SMURF2: variants seen among roughly 807,000 people sequenced by gnomAD.
SMURF2 encodes SMAD specific E3 ubiquitin protein ligase 2.
Under a neutral mutation model 109.6 loss-of-function variants are expected in SMURF2, and 48 were observed. The ratio of observed to expected loss-of-function variants is 0.44; its 90% CI spans 0.35 to 0.56. The LOEUF (loss-of-function observed/expected upper bound fraction) is 0.56, where lower values mean the gene tolerates loss of function less well. Ranked by LOEUF, SMURF2 falls within the 20% of genes least tolerant of loss-of-function variation. The pLI is 0.01. For missense variants in SMURF2, 575 were observed against 909.0 expected (o/e 0.63, Z 4.72); for synonymous variants, 288 against 317.1 (o/e 0.91, Z 0.97).
intron 6 of SMURF2, among the ~76,000 whole-genome samples, chr17:64,584,341 C>CTGTT (rs1969618510): frequency 1.4e-5 from 2 of 144,096 alleles, no homozygotes; most frequent in Non-Finnish European, 3.0e-5. Context: ...AAAATCGAAA[C>CTGTT]AGCTACTTTC....
chr17:64,580,655 G>T, intron 8 of SMURF2, 134 bp downstream of exon 8: 2 of 858,214 alleles, frequency 2.3e-6, no homozygotes, highest in Non-Finnish European at 3.6e-6. Context: ...TTTCAAAGTT[G>T]GGAGGTTTTA....
chr17:64,632,160 T>C (rs574232847), intron 1 of SMURF2, among the ~76,000 whole-genome samples: 2 of 152,214 alleles, frequency 1.3e-5, no homozygotes, highest in Admixed American at 1.3e-4. Flanking sequence ...GGTTTCACTA[T>C]GTTGACCAGG....
intron 1 of SMURF2, among the ~76,000 whole-genome samples, chr17:64,640,736 T>C (rs1555692497): frequency 2.0e-5 from 3 of 151,958 alleles, no homozygotes; most frequent in Non-Finnish European, 2.9e-5. Flanking sequence ...CTGGCCAACA[T>C]GGTGAAACCC....
At chr17:64,570,231 T>C (rs1020981658) in intron 10 of SMURF2, among the ~76,000 whole-genome samples, 2 of 152,240 alleles carry the variant, frequency 1.3e-5, no homozygotes, top group Admixed American at 1.3e-4. Flanking sequence ...TTAAAGTATA[T>C]TATTATTTTT....
chr17:64,651,550 C>A (rs577190505), intron 1 of SMURF2, among the ~76,000 whole-genome samples: 6 of 147,726 alleles, frequency 4.1e-5, no homozygotes, highest in African/African-American at 1.0e-4. Context: ...CCAGCCTGGG[C>A]GACAGAGCAA....
At chr17:64,604,477 T>A in intron 2 of SMURF2, among the ~76,000 whole-genome samples, 1 of 152,182 alleles carries the variant, frequency 6.6e-6, no homozygotes, top group East Asian at 1.9e-4. Flanking sequence ...AATATATGAT[T>A]CCTCTAGATA....
At chr17:64,578,111 C>CATTTTTGTATTTTTAGTAG (rs1325436470) in intron 9 of SMURF2, among the ~76,000 whole-genome samples, 1 of 151,700 alleles carries the variant, frequency 6.6e-6, no homozygotes, top group Non-Finnish European at 1.5e-5. Flanking sequence ...ACGCCCAGCT[C>CATTTTTGTATTTTTAGTAG]ATTTTTGTAT....
chr17:64,646,365 CT>C (rs1221007421), intron 1 of SMURF2, among the ~76,000 whole-genome samples: 120 of 136,056 alleles, frequency 8.8e-4, no homozygotes, highest in East Asian at 2.4e-3. Context: ...TGGAATTTTT[CT>C]TTTTTTTTTT....
At chr17:64,657,038 G>A (rs754421150) in intron 1 of SMURF2, among the ~76,000 whole-genome samples, 2 of 152,096 alleles carry the variant, frequency 1.3e-5, no homozygotes, top group African/African-American at 2.4e-5. Flanking sequence ...AGAACTATTC[G>A]GAAGTATTTA....
rs1598286272 is a variant in SMURF2 at position 64,594,562 on chromosome 17, T to C, written c.201-989A>G. On this transcript the variant is annotated intron_variant, in intron 3 of 18. Coordinates refer to ENST00000262435, the MANE Select transcript of SMURF2 (RefSeq NM_022739.4). ...AATGAAAAAATCTGAATTAAAATAT[T>C]GTTCAGTATGCATGTACCAATTTTC... Among the ~76,000 whole-genome samples the C allele has an allele frequency of 2.0e-5, 3 of 152,344 alleles. No individual in the cohort carries two copies. The East Asian group carries it at 5.8e-4, about 29-fold the overall frequency.
intron 10 of SMURF2, among the ~76,000 whole-genome samples, chr17:64,568,723 C>T (rs1555685308): frequency 3.3e-5 from 5 of 152,050 alleles, no homozygotes; most frequent in Admixed American, 6.6e-5. Context: ...AAACCCAGGC[C>T]GGGCACAACG....
chr17:64,602,808 G>C (rs147928987), intron 2 of SMURF2, among the ~76,000 whole-genome samples: 2 of 151,992 alleles, frequency 1.3e-5, no homozygotes, highest in East Asian at 3.9e-4. Context: ...CATGCCTGTA[G>C]TCCCAGCTAC....
chr17:64,549,559 C>T (rs928816919), intron 16 of SMURF2, among the ~76,000 whole-genome samples: 17 of 151,744 alleles, frequency 1.1e-4, no homozygotes, highest in Non-Finnish European at 1.8e-4. Context: ...AGTTCAAGAC[C>T]GGCCTGGGCA....
At chr17:64,587,038 G>A (rs1441253695) in intron 5 of SMURF2, among the ~76,000 whole-genome samples, 18 of 151,618 alleles carry the variant, frequency 1.2e-4, no homozygotes, top group African/African-American at 4.3e-4. Flanking sequence ...AACTATGGGC[G>A]TGGTGCGTGC....
At chr17:64,568,935 G>C (rs1256199742) in intron 10 of SMURF2, among the ~76,000 whole-genome samples, 1 of 151,982 alleles carries the variant, frequency 6.6e-6, no homozygotes, top group African/African-American at 2.4e-5. Flanking sequence ...CCAAGAGGCA[G>C]AGGTTGCAGT....
Position 64,546,000 on chromosome 17 carries a change from G to A in SMURF2, c.2148-53C>T. ...CAGTTCATTCAAAATAAGTAAACTG[G>A]CCTAGCAAGTGTATACCAGTATAGC... is the stretch of plus-strand genomic sequence containing the variant. On this transcript the variant is annotated intron_variant, in intron 18 of 18. Coordinates refer to ENST00000262435, the MANE Select transcript of SMURF2 (RefSeq NM_022739.4). 3 of 1,188,768 alleles carry A rather than the reference G, an allele frequency of 2.5e-6. No individual in the cohort carries two copies. The South Asian group carries it at 3.6e-5, about 14-fold the overall frequency. 73.6% of individuals were successfully genotyped at this position (1,188,768 alleles called of 1,614,324 possible). A position where few individuals can be genotyped will look rare whatever the true frequency, so the allele number is the denominator to read the frequency against.
intron 2 of SMURF2, among the ~76,000 whole-genome samples, chr17:64,603,582 GGA>G (rs1969928734): frequency 6.9e-6 from 1 of 144,806 alleles, no homozygotes; most frequent in Admixed American, 7.0e-5. Context: ...CTCCGTCGGG[GGA>G]AAAAAAAAAA....
chr17:64,584,980 C>G (rs1555686957), intron 6 of SMURF2, among the ~76,000 whole-genome samples: 1 of 152,092 alleles, frequency 6.6e-6, no homozygotes, highest in Non-Finnish European at 1.5e-5. Context: ...ACAGACATAT[C>G]TAGAAGCTAA....
intron 9 of SMURF2, among the ~76,000 whole-genome samples, chr17:64,578,179 C>T (rs907301931): frequency 6.6e-6 from 1 of 151,748 alleles, no homozygotes; most frequent in African/African-American, 2.4e-5. Flanking sequence ...CTCTTGACCT[C>T]ATGATCTGCC....
Sources: allele counts gnomAD v4.1 joint callset (sites outside exome capture counted in the v4.1 genomes callset), GRCh38; gene constraint gnomAD v4.1.1; transcripts MANE v1.5; gene names NCBI Gene and HGNC (gene_info 2026-07-23, HGNC 2026-07-21).